Variants in NKAIN3 observed in about 807,000 individuals in gnomAD.
NKAIN3 encodes sodium/potassium-transporting ATPase subunit beta-1-interacting protein 3.
NKAIN3 carries 25 observed loss-of-function variants against 30.2 expected under a neutral mutation model. The ratio of observed to expected loss-of-function variants is 0.83; its 90% confidence interval spans 0.60 to 1.16. NKAIN3 has a LOEUF of 1.16. Among genes scored for constraint, NKAIN3 ranks in the 50% most tolerant of loss-of-function variants. The pLI, the probability that NKAIN3 is intolerant of heterozygous loss-of-function variation, is 0.00. For missense variants in NKAIN3, 225 were observed against 254.1 expected, an observed-to-expected ratio of 0.89 and a Z score of 0.78; for synonymous variants, 91 against 89.6, an observed-to-expected ratio of 1.02 and a Z score of -0.09.
chr8:62,765,290 A>T (rs1586174495), intron 4 of NKAIN3, among the ~76,000 whole-genome samples: 1 of 151,194 alleles, frequency 6.6e-6, no homozygotes, highest in African/African-American at 2.4e-5. Flanking sequence ...AAGAAAAGAA[A>T]TTATGTCAGA....
intron 1 of NKAIN3, among the ~76,000 whole-genome samples, chr8:62,422,287 A>G (rs1804665317): frequency 6.6e-6 from 1 of 152,116 alleles, no homozygotes; most frequent in African/African-American, 2.4e-5. Context: ...TGCCTTTCCT[A>G]GAAAAACAAT....
chr8:62,316,798 A>G lies in NKAIN3; in HGVS notation c.54+67671A>G, dbSNP rs541650671. 5.3e-5 allele frequency among the ~76,000 whole-genome samples: 8 copies of G among 152,300 alleles called. No individual in the cohort carries two copies. In the East Asian group the frequency reaches 1.5e-3, roughly 29 times the overall value. On this transcript the variant is annotated intron_variant, in intron 1 of 6. Transcript: ENST00000623646. ...TAATCCTTTGGGTATATACCCAGTA[A>G]TGGGATGGCTGGGTCAAATGGTATT...
chr8:62,535,432 G>A (rs886770850), intron 1 of NKAIN3, among the ~76,000 whole-genome samples: 3 of 151,940 alleles, frequency 2.0e-5, no homozygotes, highest in African/African-American at 7.3e-5. Flanking sequence ...TGAGGGCTCA[G>A]TCCCTAAGAC....
At chr8:62,546,158 C>G (rs891741456) in intron 1 of NKAIN3, among the ~76,000 whole-genome samples, 2 of 152,134 alleles carry the variant, frequency 1.3e-5, no homozygotes, top group African/African-American at 2.4e-5. Context: ...CAGGGCTTGT[C>G]TTATTCTTAC....
At chr8:62,571,470 G>T (rs894700368) in intron 1 of NKAIN3, among the ~76,000 whole-genome samples, 7 of 152,154 alleles carry the variant, frequency 4.6e-5, no homozygotes, top group Non-Finnish European at 4.4e-5. Context: ...GGCACACAGT[G>T]CAAGCTGTCG....
intron 4 of NKAIN3, among the ~76,000 whole-genome samples, chr8:62,847,125 G>C (rs1302139981): frequency 1.3e-5 from 2 of 152,092 alleles, no homozygotes; most frequent in African/African-American, 4.8e-5. Context: ...CTTTGCCGTT[G>C]TGAATGGTGC....
intron 3 of NKAIN3, among the ~76,000 whole-genome samples, chr8:62,633,466 T>G (rs1160915046): frequency 1.3e-5 from 2 of 152,114 alleles, no homozygotes; most frequent in African/African-American, 4.8e-5. Context: ...AATACAATAG[T>G]AACAATAATA....
intron 4 of NKAIN3, among the ~76,000 whole-genome samples, chr8:62,787,374 A>T (rs946318172): frequency 3.9e-5 from 6 of 152,176 alleles, no homozygotes; most frequent in African/African-American, 1.4e-4. Context: ...TAAAACAAAG[A>T]AAATAGTCAA....
intron 4 of NKAIN3, among the ~76,000 whole-genome samples, chr8:62,772,062 A>G (rs539524010): frequency 2.6e-5 from 4 of 152,134 alleles, no homozygotes; most frequent in African/African-American, 9.6e-5. Flanking sequence ...ACCCCCCACT[A>G]TTCTTCCCAC....
intron 4 of NKAIN3, among the ~76,000 whole-genome samples, chr8:62,853,271 T>G (rs1232022788): frequency 2.0e-5 from 3 of 152,210 alleles, no homozygotes; most frequent in Non-Finnish European, 2.9e-5. Flanking sequence ...AGAGTAAGAT[T>G]GCAACCCCTG....
chr8:62,490,684 T>C (rs1734043743), intron 1 of NKAIN3, among the ~76,000 whole-genome samples: 1 of 152,080 alleles, frequency 6.6e-6, no homozygotes, highest in Admixed American at 6.6e-5. Context: ...AAGTGTAAGA[T>C]TGATTCATGG....
intron 1 of NKAIN3, among the ~76,000 whole-genome samples, chr8:62,547,024 T>C (rs1809037813): frequency 1.3e-5 from 2 of 152,200 alleles, no homozygotes; most frequent in African/African-American, 4.8e-5. Flanking sequence ...ATCCTTTTCA[T>C]TACTGTTGTC....
At chr8:62,866,046 A>G (rs1377273018) in intron 4 of NKAIN3, among the ~76,000 whole-genome samples, 1 of 152,214 alleles carries the variant, frequency 6.6e-6, no homozygotes, top group Non-Finnish European at 1.5e-5. Context: ...ATTCTAAAAT[A>G]TGCATAATAA....
chr8:62,260,023 A>G (rs901981423), intron 1 of NKAIN3, among the ~76,000 whole-genome samples: 1 of 152,104 alleles, frequency 6.6e-6, no homozygotes, highest in Admixed American at 6.6e-5. Context: ...CATTTTTTGC[A>G]TAGAGTAGCA....
intron 1 of NKAIN3, among the ~76,000 whole-genome samples, chr8:62,403,084 C>T (rs368681273): frequency 1.1e-4 from 17 of 152,184 alleles, no homozygotes; most frequent in East Asian, 9.7e-4. Flanking sequence ...AAACTTGTTG[C>T]GAACTGGAGT....
At chr8:62,496,309 C>A (rs1199921775) in intron 1 of NKAIN3, among the ~76,000 whole-genome samples, 3 of 152,092 alleles carry the variant, frequency 2.0e-5, no homozygotes, top group Non-Finnish European at 4.4e-5. Flanking sequence ...AGCCAAGATT[C>A]TTACTGTGGC....
At chr8:62,669,655 A>G (rs1813239715) in intron 3 of NKAIN3, among the ~76,000 whole-genome samples, 2 of 152,132 alleles carry the variant, frequency 1.3e-5, no homozygotes, top group African/African-American at 4.8e-5. Context: ...TGGCTTCACA[A>G]TCTATCCACC....
intron 4 of NKAIN3, among the ~76,000 whole-genome samples, chr8:62,790,986 T>C (rs557540028): frequency 6.6e-6 from 1 of 152,204 alleles, no homozygotes; most frequent in African/African-American, 2.4e-5. Flanking sequence ...GTAGTAATTG[T>C]ATTATTGTGA....
intron 3 of NKAIN3, among the ~76,000 whole-genome samples, chr8:62,599,822 C>A (rs929102482): frequency 1.3e-5 from 2 of 151,984 alleles, no homozygotes; most frequent in Admixed American, 1.3e-4. Context: ...ACCACTTCCC[C>A]TAGGAGTACT....
Sources: allele counts gnomAD v4.1 joint callset (sites outside exome capture counted in the v4.1 genomes callset), GRCh38; gene constraint gnomAD v4.1.1; transcripts MANE v1.5; gene names NCBI Gene and HGNC (gene_info 2026-07-23, HGNC 2026-07-21).